CDH12: variants seen among roughly 807,000 people sequenced by gnomAD.
The protein encoded by CDH12 is cadherin-12.
A neutral mutation model predicts 74.1 loss-of-function variants in CDH12; 41 were observed. The ratio of observed to expected loss-of-function variants is 0.55; its 90% CI spans 0.43 to 0.72. The LOEUF (loss-of-function observed/expected upper bound fraction) is 0.72. Ranked by LOEUF, CDH12 falls within the 30% of genes least tolerant of loss-of-function variation. CDH12 has a pLI of 0.00. For synonymous variants in CDH12, 399 were observed against 355.0 expected (o/e 1.12, Z -1.39); for missense variants, 945 against 977.2 (o/e 0.97, Z 0.44).
chr5:22,618,075 T>C (rs942950646), intron 1 of CDH12, among the ~76,000 whole-genome samples: 1 of 152,164 alleles, frequency 6.6e-6, no homozygotes, highest in Non-Finnish European at 1.5e-5. Context: ...AGTTTTTTTT[T>C]CAGCTTTTAA....
intron 1 of CDH12, among the ~76,000 whole-genome samples, chr5:22,584,553 G>T (rs1816138): frequency 0.34 from 51,318 of 151,832 alleles, 9,129 homozygotes; most frequent in African/African-American, 0.44. Context: ...GAATTTTTTT[G>T]TGTGTTACAA....
chr5:21,754,214 G>A (rs528266019), intron 14 of CDH12, among the ~76,000 whole-genome samples: 2 of 152,218 alleles, frequency 1.3e-5, no homozygotes, highest in South Asian at 4.1e-4. Context: ...ATATAAGGGT[G>A]AAAACCCTCT....
chr5:21,799,675 A>G (rs1747003949), intron 10 of CDH12, among the ~76,000 whole-genome samples: 1 of 152,200 alleles, frequency 6.6e-6, no homozygotes, highest in South Asian at 2.1e-4. Flanking sequence ...CTCTTCAGCT[A>G]TGAGCATTCA....
At position 21,993,277 on chromosome 5, in the gene CDH12, C is replaced by T. The variant is rs540806579; in HGVS notation, c.232-17892G>A. Among the ~76,000 whole-genome samples the T allele has an allele frequency of 7.4e-3, 1,119 of 152,178 alleles. 12 individuals are homozygous for T. The highest frequency in any genetic ancestry group is 0.025 in the African/African-American group (1,039 of 41,510). ...AGAGTAGTAGGAAGTATTCTACAAC[C>T]GACTCCTAGATTTCTCTCCCCTGAG... On this transcript the variant is annotated intron_variant, in intron 5 of 14. Transcript: ENST00000382254.
At chr5:22,604,260 A>G (rs754726846) in intron 1 of CDH12, among the ~76,000 whole-genome samples, 1 of 152,214 alleles carries the variant, frequency 6.6e-6, no homozygotes, top group Non-Finnish European at 1.5e-5. Flanking sequence ...ATTGAGGCAT[A>G]TGCTATTTAT....
chr5:22,162,829 C>T (rs1748437945), intron 4 of CDH12, among the ~76,000 whole-genome samples: 1 of 151,346 alleles, frequency 6.6e-6, no homozygotes, highest in South Asian at 2.1e-4. Context: ...GCTCTCAATA[C>T]ACCCTATTAT....
intron 1 of CDH12, among the ~76,000 whole-genome samples, chr5:22,653,044 A>G (rs1416525111): frequency 6.6e-6 from 1 of 152,180 alleles, no homozygotes; most frequent in East Asian, 1.9e-4. Flanking sequence ...AACATCCACC[A>G]AATGGGACTT....
At chr5:22,838,914 C>T (rs1004738151) in intron 1 of CDH12, among the ~76,000 whole-genome samples, 11 of 151,928 alleles carry the variant, frequency 7.2e-5, no homozygotes, top group African/African-American at 2.7e-4. Context: ...TTGGCTCATG[C>T]AATCCACCCA....
intron 1 of CDH12, among the ~76,000 whole-genome samples, chr5:22,509,013 C>T (rs1313615544): frequency 6.6e-6 from 1 of 152,120 alleles, no homozygotes; most frequent in African/African-American, 2.4e-5. Flanking sequence ...TTCCTATCCG[C>T]TTCCATAGGG....
At chr5:22,763,513 G>GA (rs879725590) in intron 1 of CDH12, among the ~76,000 whole-genome samples, 16 of 151,856 alleles carry the variant, frequency 1.1e-4, no homozygotes, top group South Asian at 2.1e-4. Context: ...ACAAACACAT[G>GA]AAAAAAGTAG....
At chr5:22,423,876 G>C (rs533920698) in intron 2 of CDH12, among the ~76,000 whole-genome samples, 1 of 151,400 alleles carries the variant, frequency 6.6e-6, no homozygotes, top group Admixed American at 6.6e-5. Context: ...GTTGGCGGGC[G>C]CCTGTAGTCC....
chr5:22,355,023 T>C (rs1373632288), intron 3 of CDH12, among the ~76,000 whole-genome samples: 1 of 152,118 alleles, frequency 6.6e-6, no homozygotes, highest in Non-Finnish European at 1.5e-5. Context: ...CTCAGGATAA[T>C]TGCCTATATT....
intron 1 of CDH12, among the ~76,000 whole-genome samples, chr5:22,743,787 G>A (rs1745154441): frequency 1.3e-5 from 2 of 151,810 alleles, no homozygotes; most frequent in Non-Finnish European, 2.9e-5. Flanking sequence ...TAACATTCCT[G>A]TTAAAACTGT....
At chr5:21,999,604 G>C (rs1736492380) in intron 5 of CDH12, among the ~76,000 whole-genome samples, 1 of 151,986 alleles carries the variant, frequency 6.6e-6, no homozygotes, top group African/African-American at 2.4e-5. Flanking sequence ...GAGTATTAGT[G>C]AACAATATCT....
At chr5:22,618,872 T>C (rs1320165694) in intron 1 of CDH12, among the ~76,000 whole-genome samples, 1 of 152,048 alleles carries the variant, frequency 6.6e-6, no homozygotes, top group Non-Finnish European at 1.5e-5. Flanking sequence ...TCACGAGATC[T>C]GATGGTTTTA....
At chr5:22,696,153 G>A (rs1004804209) in intron 1 of CDH12, among the ~76,000 whole-genome samples, 2 of 152,044 alleles carry the variant, frequency 1.3e-5, no homozygotes, top group Non-Finnish European at 2.9e-5. Context: ...CGGATTGCAA[G>A]GTCAGGAGAT....
intron 1 of CDH12, among the ~76,000 whole-genome samples, chr5:22,602,333 C>A (rs1736890451): frequency 6.6e-6 from 1 of 152,036 alleles, no homozygotes; most frequent in Admixed American, 6.6e-5. Context: ...TGAGTTTAAC[C>A]ACGTGAAATA....
At chr5:22,510,314 T>G (rs1027173244) in intron 1 of CDH12, among the ~76,000 whole-genome samples, 29 of 152,046 alleles carry the variant, frequency 1.9e-4, no homozygotes, top group African/African-American at 5.8e-4. Context: ...CCCAAGAAGT[T>G]AATAGACTTT....
At chr5:22,711,953 AT>A (rs2126975306) in intron 1 of CDH12, among the ~76,000 whole-genome samples, 1 of 152,130 alleles carries the variant, frequency 6.6e-6, no homozygotes, top group South Asian at 2.1e-4. Context: ...TAAGGTCCAC[AT>A]TTTCTAATAT....
Sources: gnomAD v4.1 joint callset for allele counts (sites outside exome capture counted in the v4.1 genomes callset) on GRCh38, gnomAD v4.1.1 for gene constraint, MANE v1.5 for transcripts, NCBI Gene and HGNC (gene_info 2026-07-23, HGNC 2026-07-21) for gene names.